The following ELFN2 variants were observed in gnomAD, a reference collection of about 807,000 sequenced individuals.
ELFN2 encodes protein phosphatase 1 regulatory subunit 29.
Under a neutral mutation model 45.5 loss-of-function variants are expected in ELFN2, and 17 were observed. That is an observed-to-expected ratio of 0.37 (90% CI 0.26 to 0.56). The LOEUF (loss-of-function observed/expected upper bound fraction) is 0.56. Ranked by LOEUF, ELFN2 falls within the 20% of genes least tolerant of loss-of-function variation. ELFN2 has a pLI of 0.77. For missense variants in ELFN2, 922 were observed against 1,183.2 expected, an observed-to-expected ratio of 0.78 and a Z score of 3.24; for synonymous variants, 550 against 551.5, an observed-to-expected ratio of 1.00 and a Z score of 0.04.
rs1484346976 is a variant in ELFN2, at chr22:37,375,569, C to G, written c.-35G>C. 6.7e-7 allele frequency: 1 copy of G among 1,501,928 alleles called. No individual in the cohort carries two copies. Among genetic ancestry groups the G allele is most frequent in the Non-Finnish European group, 8.9e-7 (1 of 1,125,166 alleles). The allele number at this position is 1,501,928 out of a possible 1,614,324, so 93.0% of individuals were successfully genotyped here. ...CTCGGAGTGAGGGGCCAGGGCAAGG[C>G]AGGGGGTGCCTAGCGGCCAGAGGCT... On this transcript the variant is annotated 5_prime_UTR_variant, in exon 3 of 3. Transcript: ENST00000402918.
At chr22:37,416,899 G>A (rs1324538270) in intron 2 of ELFN2, among the ~76,000 whole-genome samples, 1 of 151,992 alleles carries the variant, frequency 6.6e-6, no homozygotes, top group Admixed American at 6.6e-5. Context: ...GCCCCTCCAC[G>A]TGGGGACCAC....
At chr22:37,356,136 C>T (rs1930944375) in intron 1 of ELFN2, among the ~76,000 whole-genome samples, 1 of 152,128 alleles carries the variant, frequency 6.6e-6, no homozygotes, top group Non-Finnish European at 1.5e-5. Flanking sequence ...GAGGTCACTG[C>T]AGAGGGCACT....
rs1931421575 is a variant in ELFN2 at position 37,373,052 on chromosome 22, A to C, written c.*20T>G. 3 of 1,573,296 alleles carry C rather than the reference A, an allele frequency of 1.9e-6. No individual in the cohort carries two copies. The highest frequency in any genetic ancestry group is 2.6e-6 in the Non-Finnish European group (3 of 1,155,994). The stretch of plus-strand genomic sequence containing the variant: ...CCCCCAGCCCTCTGGCTCCGACCTC[A>C]CCAGGGAGGAAGGGGGGGGTCACAG... On this transcript the variant is annotated 3_prime_UTR_variant, in exon 3 of 3. Transcript: ENST00000402918.
chr22:37,359,021 A>G (rs964693595), intron 1 of ELFN2, among the ~76,000 whole-genome samples: 5 of 152,096 alleles, frequency 3.3e-5, no homozygotes, highest in African/African-American at 1.2e-4. Context: ...GGAAGTCACC[A>G]ACATATATCC....
intron 2 of ELFN2, among the ~76,000 whole-genome samples, chr22:37,410,478 C>A (rs946407947): frequency 6.6e-6 from 1 of 152,096 alleles, no homozygotes; most frequent in South Asian, 2.1e-4. Flanking sequence ...ACTCCGGGGT[C>A]CTGGTTCCCT....
At position 37,346,326 on chromosome 22, in the gene ELFN2, G is replaced by T. The variant is rs544961931; in HGVS notation, n.149-3623C>A. 3.9e-5 allele frequency among the ~76,000 whole-genome samples: 6 copies of T among 152,248 alleles called. No homozygotes were observed. In the East Asian group the frequency reaches 1.2e-3, roughly 29 times the overall value. Reference sequence around the variant, plus strand: ...CCCTGGCCGGAGCAGGTGGGGTGAGGCTGAAGCAGGTTCCCCCGCCCCAGA... The same window carrying T: ...CCCTGGCCGGAGCAGGTGGGGTGAGTCTGAAGCAGGTTCCCCCGCCCCAGA... On this transcript the variant is annotated intron_variant and non_coding_transcript_variant, in intron 1 of 2. Transcript: ENST00000452946.
chr22:37,400,037 C>A (rs1003004952), intron 2 of ELFN2, among the ~76,000 whole-genome samples: 1 of 152,180 alleles, frequency 6.6e-6, no homozygotes, highest in Non-Finnish European at 1.5e-5. Context: ...GCAACCACCC[C>A]CTCCCTGCCT....
chr22:37,343,715 C>T (rs1296280396), intron 1 of ELFN2, among the ~76,000 whole-genome samples: 2 of 150,292 alleles, frequency 1.3e-5, no homozygotes, highest in Admixed American at 6.6e-5. Flanking sequence ...AGACCCACCC[C>T]CCCCGGACCC....
chr22:37,356,823 C>T (rs1479022138), intron 1 of ELFN2, among the ~76,000 whole-genome samples: 1 of 152,210 alleles, frequency 6.6e-6, no homozygotes, highest in Non-Finnish European at 1.5e-5. Context: ...AACCACAGCA[C>T]TACACTGTCT....
intron 2 of ELFN2, among the ~76,000 whole-genome samples, chr22:37,383,815 A>G (rs1474761888): frequency 1.3e-5 from 2 of 152,192 alleles, no homozygotes; most frequent in Non-Finnish European, 2.9e-5. Context: ...CTGACAGCCA[A>G]GGCGTCAGGG....
Position 37,397,933 on chromosome 22 carries a change from G to T in ELFN2, c.-463+19836C>A, listed in dbSNP as rs539491127. On this transcript the variant is annotated intron_variant, in intron 2 of 2. Transcript: ENST00000402918. ...CTCAGCTGTGTGGCCTCGGCAGCCC[G>T]CGCAGCTTCTCTGAGCGGACGTCTG... Among the ~76,000 whole-genome samples the T allele has an allele frequency of 3.9e-5, 6 of 152,306 alleles. No individual in the cohort carries two copies. In the South Asian group the frequency reaches 6.2e-4, roughly 16 times the overall value.
chr22:37,392,642 C>G (rs1459129028), intron 2 of ELFN2, among the ~76,000 whole-genome samples: 2 of 152,120 alleles, frequency 1.3e-5, no homozygotes, highest in South Asian at 4.2e-4. Flanking sequence ...TTTTTATGCC[C>G]GTTCTGCAGA....
At chr22:37,382,641 T>TA (rs1931822336) in intron 2 of ELFN2, among the ~76,000 whole-genome samples, 2 of 148,182 alleles carry the variant, frequency 1.3e-5, no homozygotes, top group South Asian at 4.5e-4. Context: ...CCTCTGCCTC[T>TA]AGGGCTCAAG....
At chr22:37,365,245 G>A (rs1035668328), downstream of ELFN2, among the ~76,000 whole-genome samples, 1 of 152,230 alleles carries the variant, frequency 6.6e-6, no homozygotes, top group African/African-American at 2.4e-5. Context: ...GCTCATTTTA[G>A]GCTCACCTCT....
At chr22:37,363,821 G>A (rs1006050823), downstream of ELFN2, among the ~76,000 whole-genome samples, 5 of 152,222 alleles carry the variant, frequency 3.3e-5, no homozygotes, top group East Asian at 3.8e-4. Context: ...CGGCAGGGCC[G>A]AGAGCAGCCT....
chr22:37,343,817 C>T (rs1693747485), intron 1 of ELFN2, among the ~76,000 whole-genome samples: 1 of 151,830 alleles, frequency 6.6e-6, no homozygotes, highest in African/African-American at 2.4e-5. Flanking sequence ...CTAATCCTCC[C>T]CACACCCTCT....
chr22:37,425,944 C>T (rs781594212), intron 1 of ELFN2, among the ~76,000 whole-genome samples: 3 of 151,276 alleles, frequency 2.0e-5, no homozygotes, highest in Non-Finnish European at 4.4e-5. Context: ...AAACGCCTCT[C>T]GGTAACCGCG....
Position 37,380,173 on chromosome 22 carries a change from C to T in ELFN2, c.-462-4177G>A, listed in dbSNP as rs372399438. The stretch of plus-strand genomic sequence containing the variant: ...CCCGGGGAGAGCCCCCACTGCACTG[C>T]GGCGTGTGGGAGGGGTTGAGGGGGG... On this transcript the variant is annotated intron_variant, in intron 2 of 2. Transcript: ENST00000402918. Among the ~76,000 whole-genome samples, 4 of 152,298 alleles carry T rather than the reference C, an allele frequency of 2.6e-5. No homozygotes were observed. In the East Asian group the frequency reaches 7.7e-4, roughly 29 times the overall value.
chr22:37,391,471 G>T (rs1932085623), intron 2 of ELFN2, among the ~76,000 whole-genome samples: 1 of 152,172 alleles, frequency 6.6e-6, no homozygotes, highest in African/African-American at 2.4e-5. Context: ...GGCACCCGCT[G>T]TGTGCCAGGC....
Sources: allele counts gnomAD v4.1 joint callset (sites outside exome capture counted in the v4.1 genomes callset), GRCh38; gene constraint gnomAD v4.1.1; transcripts MANE v1.5; gene names NCBI Gene and HGNC (gene_info 2026-07-23, HGNC 2026-07-21).